PSD3: variants seen among roughly 807,000 people sequenced by gnomAD.
PSD3 encodes pleckstrin and Sec7 domain containing 3.
A neutral mutation model predicts 105.5 loss-of-function variants in PSD3; 49 were observed. The ratio of observed to expected loss-of-function variants is 0.46; its 90% CI spans 0.37 to 0.59. PSD3 has a LOEUF of 0.59. PSD3 is among the 20% of genes least tolerant of loss of function. The probability of loss-of-function intolerance (pLI) is 0.00; values close to 1 mark genes in which losing one functional copy is unlikely to be tolerated. For synonymous variants in PSD3, 557 were observed against 457.8 expected, an observed-to-expected ratio of 1.22 and a Z score of -2.77; for missense variants, 1,561 against 1,263.8, an observed-to-expected ratio of 1.24 and a Z score of -3.57.
chr8:19,081,648 C>A (rs1829649320), intron 1 of PSD3, among the ~76,000 whole-genome samples: 1 of 152,200 alleles, frequency 6.6e-6, no homozygotes, highest in Non-Finnish European at 1.5e-5. Flanking sequence ...AAAGCCTGGT[C>A]ATAGAACAAA....
chr8:18,865,522 A>G (rs978151835), intron 4 of PSD3, among the ~76,000 whole-genome samples: 1 of 151,820 alleles, frequency 6.6e-6, no homozygotes, highest in African/African-American at 2.4e-5. Context: ...TACATCACAA[A>G]ATAAAGCTTC....
Position 18,835,039 on chromosome 8 carries a change from T to C in PSD3, c.1635-30141A>G, listed in dbSNP as rs372737264. 7.8e-4 allele frequency among the ~76,000 whole-genome samples: 119 copies of C among 152,312 alleles called. 2 individuals are homozygous for C. The South Asian group carries it at 0.024, about 31-fold the overall frequency. The stretch of plus-strand genomic sequence containing the variant: ...TCAGATAGCTTTTTCAGCCATTAAA[T>C]TGGTTAAGATAAAAAAGCACTTAGA... On this transcript the variant is annotated intron_variant, in intron 4 of 15. Transcript: ENST00000327040.
At chr8:18,837,614 T>C (rs764980276) in intron 4 of PSD3, among the ~76,000 whole-genome samples, 3 of 152,042 alleles carry the variant, frequency 2.0e-5, no homozygotes, top group Non-Finnish European at 2.9e-5. Flanking sequence ...AGATGATAAA[T>C]GTAGATAGTA....
At chr8:18,594,957 T>G (rs1474460825) in intron 12 of PSD3, among the ~76,000 whole-genome samples, 4 of 152,096 alleles carry the variant, frequency 2.6e-5, no homozygotes, top group Non-Finnish European at 4.4e-5. Context: ...TGATATGCAG[T>G]GCTGAGCATA....
At chr8:18,541,197 C>T (rs535120743) in intron 15 of PSD3, among the ~76,000 whole-genome samples, 20 of 151,150 alleles carry the variant, frequency 1.3e-4, no homozygotes, top group African/African-American at 4.4e-4. Context: ...CCTTTGCCCC[C>T]CAATACTAGA....
intron 2 of PSD3, among the ~76,000 whole-genome samples, chr8:18,885,747 A>G (rs1818411548): frequency 6.6e-6 from 1 of 152,232 alleles, no homozygotes; most frequent in Non-Finnish European, 1.5e-5. Flanking sequence ...AAGTATATCT[A>G]GAAATGCAAA....
At chr8:18,885,133 C>G (rs905140714) in intron 2 of PSD3, among the ~76,000 whole-genome samples, 4 of 152,152 alleles carry the variant, frequency 2.6e-5, no homozygotes, top group African/African-American at 9.7e-5. Flanking sequence ...ATATCCACAT[C>G]TTGTGCTTCT....
chr8:19,026,137 T>C (rs918743220), intron 1 of PSD3, among the ~76,000 whole-genome samples: 1 of 152,138 alleles, frequency 6.6e-6, no homozygotes. Flanking sequence ...GCCCCCATGA[T>C]TCAATTGCCT....
intron 10 of PSD3, among the ~76,000 whole-genome samples, chr8:18,654,146 A>G (rs1275573003): frequency 1.3e-5 from 2 of 152,194 alleles, no homozygotes; most frequent in African/African-American, 4.8e-5. Flanking sequence ...AGCCATATAT[A>G]TATATATGCA....
At position 18,998,769 on chromosome 8, in the gene PSD3, G is replaced by A. The variant is rs189327110; in HGVS notation, c.21+14794C>T. On this transcript the variant is annotated intron_variant, in intron 1 of 15. Transcript: ENST00000327040. ...GTGAATGTAGCCAGGCTAATATAAT[G>A]GACTTTGATTTCTTTAGATGAAAGA... Among the ~76,000 whole-genome samples, 143 of 151,946 alleles carry A rather than the reference G, an allele frequency of 9.4e-4. 1 individual carries two copies. The highest frequency in any genetic ancestry group is 3.3e-3 in the African/African-American group (135 of 41,426).
chr8:18,607,579 G>A (rs1215279612), intron 11 of PSD3, among the ~76,000 whole-genome samples: 1 of 149,354 alleles, frequency 6.7e-6, no homozygotes, highest in East Asian at 2.0e-4. Flanking sequence ...CAATGTCTTG[G>A]ATAAATCTGG....
chr8:18,726,918 T>A (rs900092247), intron 9 of PSD3, among the ~76,000 whole-genome samples: 1 of 152,182 alleles, frequency 6.6e-6, no homozygotes, highest in Non-Finnish European at 1.5e-5. Context: ...CTGGGTGCGG[T>A]GGCTCATGCC....
intron 4 of PSD3, among the ~76,000 whole-genome samples, chr8:18,859,863 T>C (rs1816306651): frequency 6.6e-6 from 1 of 152,220 alleles, no homozygotes; most frequent in Non-Finnish European, 1.5e-5. Context: ...ACTTTCTCTA[T>C]ATCAGAAATA....
chr8:18,924,770 T>G (rs1821256380), intron 2 of PSD3: 1 of 152,194 alleles, frequency 6.6e-6, no homozygotes, highest in Admixed American at 6.5e-5. Context: ...CCCAACACAT[T>G]CTATCTGTTA....
intron 9 of PSD3, among the ~76,000 whole-genome samples, chr8:18,695,638 AT>A (rs1393043091): frequency 1.3e-5 from 2 of 152,214 alleles, no homozygotes; most frequent in African/African-American, 2.4e-5. Flanking sequence ...GAACATAACC[AT>A]CACCATTAAA....
chr8:19,019,275 T>C (rs368110760), intron 1 of PSD3, among the ~76,000 whole-genome samples: 1 of 152,160 alleles, frequency 6.6e-6, no homozygotes, highest in African/African-American at 2.4e-5. Context: ...CTATTATGAG[T>C]TTTGCCATTT....
intron 2 of PSD3, among the ~76,000 whole-genome samples, chr8:18,888,959 A>G (rs1818609482): frequency 6.6e-6 from 1 of 152,142 alleles, no homozygotes; most frequent in Admixed American, 6.6e-5. Flanking sequence ...AGCGGGGCAA[A>G]GCTGAAAGCA....
intron 14 of PSD3, among the ~76,000 whole-genome samples, chr8:18,568,672 T>C (rs1386269569): frequency 6.6e-6 from 1 of 151,630 alleles, no homozygotes; most frequent in Non-Finnish European, 1.5e-5. Context: ...TCCTTTAAAA[T>C]GGGCCTTTCT....
At chr8:18,627,370 C>T (rs554111279) in intron 11 of PSD3, among the ~76,000 whole-genome samples, 2 of 152,084 alleles carry the variant, frequency 1.3e-5, no homozygotes, top group East Asian at 1.9e-4. Context: ...TGAAGACCTG[C>T]AGAGGATACT....
Sources: gnomAD v4.1 joint callset for allele counts (sites outside exome capture counted in the v4.1 genomes callset) on GRCh38, gnomAD v4.1.1 for gene constraint, MANE v1.5 for transcripts, NCBI Gene and HGNC (gene_info 2026-07-23, HGNC 2026-07-21) for gene names.